Variants in NAA15 observed in about 807,000 individuals in gnomAD.
NAA15 encodes the protein N-terminal acetyltransferase.
NAA15 carries 34 observed loss-of-function variants against 114.0 expected under a neutral mutation model. The observed-to-expected ratio is 0.30, with a 90% CI of 0.23 to 0.40. The LOEUF is 0.40. Among genes scored for constraint, NAA15 ranks in the 10% least tolerant of loss-of-function variants. The pLI is 1.00. For synonymous variants in NAA15, 340 were observed against 338.0 expected, an observed-to-expected ratio of 1.01 and a Z score of -0.06; for missense variants, 658 against 1,004.5, an observed-to-expected ratio of 0.66 and a Z score of 4.66.
chr4:139,344,247 T>C lies in NAA15; in HGVS notation c.599T>C (p.Leu200Pro). 6.2e-7 allele frequency: 1 copy of C among 1,613,166 alleles called. No homozygotes were observed. Among genetic ancestry groups the C allele is most frequent in the Non-Finnish European group, 8.5e-7 (1 of 1,179,400 alleles). Residue 200 changes from leucine (L) to proline (P), a missense_variant, in exon 6 of 20, where the codon CTT becomes CCT. By Grantham distance (98) the Leu-to-Pro change is moderately conservative. Coordinates refer to ENST00000296543, the MANE Select transcript of NAA15 (RefSeq NM_057175.5). ...SELLLYQNQV[L>P]REAGLYREAL... is the part of the protein sequence containing the mutation. ...CTACTCTTATATCAGAATCAAGTTC[T>C]TCGGGAAGCAGGTCTCTATAGAGAA... is the stretch of plus-strand genomic sequence containing the variant.
intron 14 of NAA15, among the ~76,000 whole-genome samples, chr4:139,365,248 G>A (rs551270840): frequency 1.2e-3 from 178 of 151,982 alleles, no homozygotes; most frequent in Non-Finnish European, 5.0e-4. Context: ...ATGTTGGTCG[G>A]GCTGGTCTCG....
At chr4:139,380,081 A>ATTCT in intron 17 of NAA15, among the ~76,000 whole-genome samples, 1 of 152,308 alleles carries the variant, frequency 6.6e-6, no homozygotes, top group South Asian at 2.1e-4. Flanking sequence ...ACTTTCCAGA[A>ATTCT]AGATTAGACT....
At chr4:139,358,180 T>G in intron 11 of NAA15, among the ~76,000 whole-genome samples, 1 of 135,804 alleles carries the variant, frequency 7.4e-6, no homozygotes, top group South Asian at 2.6e-4. Context: ...TTTTTGTTTG[T>G]TTTTGTTTTT....
chr4:139,383,798 G>A lies in NAA15; in HGVS notation c.2156-1034G>A, dbSNP rs568436523. ...TTTATTAATAGGAAAATGCTTTGGT[G>A]GTCCTTGGGAGTTTATTATACAGTG... On this transcript the variant is annotated intron_variant, in intron 17 of 19. Transcript: ENST00000296543. Among the ~76,000 whole-genome samples, 4 of 152,270 alleles carry A rather than the reference G, an allele frequency of 2.6e-5. No homozygotes were observed. In the South Asian group the frequency reaches 8.3e-4, roughly 32 times the overall value.
intron 14 of NAA15, among the ~76,000 whole-genome samples, chr4:139,364,398 A>AT (rs147440774): frequency 0.013 from 2,019 of 152,072 alleles, 18 homozygotes; most frequent in East Asian, 0.029. Flanking sequence ...CTGCTTTGCA[A>AT]TTTTTTAGAT....
At chr4:139,358,724 A>C (rs1160184273) in intron 11 of NAA15, among the ~76,000 whole-genome samples, 2 of 152,158 alleles carry the variant, frequency 1.3e-5, no homozygotes, top group African/African-American at 4.8e-5. Flanking sequence ...AACATTGGGG[A>C]ATGTCTACTA....
chr4:139,374,074 T>G (rs973653874), intron 15 of NAA15, among the ~76,000 whole-genome samples: 2 of 152,194 alleles, frequency 1.3e-5, no homozygotes, highest in Non-Finnish European at 2.9e-5. Flanking sequence ...ACAGTAGTCT[T>G]TCTTTAAAAA....
At chr4:139,355,945 A>G (rs771457145) in intron 10 of NAA15, among the ~76,000 whole-genome samples, 12 of 152,206 alleles carry the variant, frequency 7.9e-5, no homozygotes, top group South Asian at 2.1e-4. Flanking sequence ...TGTTTACACA[A>G]TGTTTCAGTT....
intron 3 of NAA15, among the ~76,000 whole-genome samples, chr4:139,339,885 G>A (rs1391674656): frequency 3.9e-5 from 6 of 152,174 alleles, no homozygotes. Flanking sequence ...AGTGAAAAAG[G>A]GCTGTATTTG....
At chr4:139,325,273 TC>T (rs1746759738) in intron 1 of NAA15, among the ~76,000 whole-genome samples, 1 of 152,176 alleles carries the variant, frequency 6.6e-6, no homozygotes, top group Non-Finnish European at 1.5e-5. Context: ...GATTAGAAGA[TC>T]TTTTAAAAGA....
At chr4:139,308,574 A>T (rs1258862419) in intron 1 of NAA15, among the ~76,000 whole-genome samples, 1 of 152,224 alleles carries the variant, frequency 6.6e-6, no homozygotes, top group African/African-American at 2.4e-5. Flanking sequence ...CTGAAATCCC[A>T]TTCAGCTCTT....
At chr4:139,377,092 A>T (rs1488645856) in intron 16 of NAA15, among the ~76,000 whole-genome samples, 1 of 152,232 alleles carries the variant, frequency 6.6e-6, no homozygotes, top group Non-Finnish European at 1.5e-5. Context: ...CCAAGTGGTT[A>T]ATTGAAAAAA....
chr4:139,348,006 TCCGGC>T (rs2110926269), intron 6 of NAA15, among the ~76,000 whole-genome samples: 1 of 141,008 alleles, frequency 7.1e-6, no homozygotes, highest in African/African-American at 2.7e-5. Flanking sequence ...CAGTCCGCAG[TCCGGC>T]CTGGGCGACA....
At position 139,360,568 on chromosome 4, in the gene NAA15, G is replaced by A. The variant is rs760000612; in HGVS notation, c.1479G>A (p.Gln493=). The A allele has an allele frequency of 3.1e-6, 5 of 1,609,602 alleles. No homozygotes were observed. In the South Asian group the frequency reaches 5.5e-5, roughly 18 times the overall value. The change falls in exon 13 of 20, where the codon CAG becomes CAA. Residue 493 remains glutamine (Q), a synonymous_variant. Transcript: ENST00000296543. ...TGTGGTTCCAAACAGAATGTGCCCA[G>A]GCTTATAAAGCAATGAATAAATTTG... ...QCMWFQTECA[Q]AYKAMNKFGE... is the part of the protein sequence containing the mutation.
At chr4:139,315,541 C>A (rs1746383521) in intron 1 of NAA15, among the ~76,000 whole-genome samples, 1 of 151,730 alleles carries the variant, frequency 6.6e-6, no homozygotes, top group Admixed American at 6.6e-5. Context: ...ACAACAACAA[C>A]AACGACTCGG....
At chr4:139,334,310 T>A (rs1476045960) in intron 2 of NAA15, 52 bp downstream of exon 2, 1 of 1,182,432 alleles carries the variant, frequency 8.5e-7, no homozygotes, top group South Asian at 1.5e-5. Flanking sequence ...CCTCTCTTAC[T>A]GGATTGTATT....
chr4:139,320,587 C>A (rs547327021), intron 1 of NAA15, among the ~76,000 whole-genome samples: 36 of 152,262 alleles, frequency 2.4e-4, no homozygotes, highest in South Asian at 2.3e-3. Context: ...GTGGCATGAT[C>A]TCGGCTCACT....
intron 14 of NAA15, among the ~76,000 whole-genome samples, chr4:139,366,960 G>A (rs907505873): frequency 6.6e-6 from 1 of 152,198 alleles, no homozygotes; most frequent in Admixed American, 6.5e-5. Context: ...GCCTTCAGAA[G>A]TCTATCCCAT....
intron 11 of NAA15, 115 bp from the exon 12 acceptor site, chr4:139,359,628 C>A: frequency 3.1e-6 from 3 of 961,526 alleles, no homozygotes; most frequent in Non-Finnish European, 4.6e-6. Context: ...ATCTAAGAGT[C>A]ACAAGAATGC....
Sources: gnomAD v4.1 joint callset for allele counts (sites outside exome capture counted in the v4.1 genomes callset) on GRCh38, gnomAD v4.1.1 for gene constraint, MANE v1.5 for transcripts, NCBI Gene and HGNC (gene_info 2026-07-23, HGNC 2026-07-21) for gene names.